CENPK: variants seen among roughly 807,000 people sequenced by gnomAD.
CENPK encodes SoxLZ/Sox6-binding protein Solt.
Under a neutral mutation model 40.9 loss-of-function variants are expected in CENPK, and 46 were observed. The ratio of observed to expected loss-of-function variants is 1.13; its 90% CI spans 0.89 to 1.44. CENPK has a LOEUF of 1.44. Ranked by LOEUF, CENPK falls within the 40% of genes most tolerant of loss-of-function variation. The probability of loss-of-function intolerance (pLI) is 0.00; values close to 1 mark genes in which losing one functional copy is unlikely to be tolerated. For synonymous variants in CENPK, 107 were observed against 104.4 expected (o/e 1.02, Z -0.15); for missense variants, 288 against 303.5 (o/e 0.95, Z 0.38).
chr5:65,554,142 AT>A (rs34320009), intron 3 of CENPK, among the ~76,000 whole-genome samples: 265 of 143,624 alleles, frequency 1.8e-3, no homozygotes, highest in Middle Eastern at 3.5e-3. Flanking sequence ...ACCAGTAATT[AT>A]TTTTTTTTTT....
At chr5:65,545,141 G>A (rs1003182024) in intron 5 of CENPK, among the ~76,000 whole-genome samples, 2 of 151,932 alleles carry the variant, frequency 1.3e-5, no homozygotes, top group South Asian at 2.1e-4. Flanking sequence ...AAGGTGGGGG[G>A]AGTTGCTGAA....
rs374598477 is a variant in CENPK, at chr5:65,547,910, C to T, written c.241+3654G>A. On this transcript the variant is annotated intron_variant, in intron 5 of 10. Transcript: ENST00000396679. Reference sequence around the variant, plus strand: ...CGATCTCCTGACCTCATGATCCACCCGCCTCGGTCTCCCAAAGTGCTGGGA... The same window carrying T: ...CGATCTCCTGACCTCATGATCCACCTGCCTCGGTCTCCCAAAGTGCTGGGA... 2.4e-3 allele frequency among the ~76,000 whole-genome samples: 369 copies of T among 152,204 alleles called. 2 individuals are homozygous for T. Among genetic ancestry groups the T allele is most frequent in the African/African-American group, 8.4e-3 (349 of 41,544 alleles).
chr5:65,545,072 C>T (rs1467120115), intron 5 of CENPK, among the ~76,000 whole-genome samples: 1 of 151,930 alleles, frequency 6.6e-6, no homozygotes, highest in East Asian at 1.9e-4. Flanking sequence ...ACCTGAGGGA[C>T]TTGGGTAACC....
chr5:65,497,424 G>T, the CENPK span, among the ~76,000 whole-genome samples: 1 of 152,070 alleles, frequency 6.6e-6, no homozygotes, highest in African/African-American at 2.4e-5. Context: ...GTCACCCTTA[G>T]TGATAAGAAA....
At chr5:65,549,532 T>A (rs1040240571) in intron 5 of CENPK, among the ~76,000 whole-genome samples, 1 of 152,208 alleles carries the variant, frequency 6.6e-6, no homozygotes, top group African/African-American at 2.4e-5. Flanking sequence ...TCTGTCTACA[T>A]TGAAAATTTG....
the CENPK span, among the ~76,000 whole-genome samples, chr5:65,498,725 A>C: frequency 6.8e-6 from 1 of 147,628 alleles, no homozygotes; most frequent in East Asian, 2.0e-4. Context: ...GGCATTGATC[A>C]TGGCTCACAA....
chr5:65,513,037 G>T (rs1008241232), downstream of CENPK, among the ~76,000 whole-genome samples: 1 of 151,954 alleles, frequency 6.6e-6, no homozygotes, highest in Non-Finnish European at 1.5e-5. Flanking sequence ...TCTTATTGTT[G>T]ACTTTTAAAG....
rs80005299 is a variant in CENPK at position 65,546,769 on chromosome 5, C to G, written c.242-3921G>C. ...CAGGAAGAAGATGGACATCTGCAAG[C>G]CAAGGGGAGAGGCCTCAGAAGAAAC... On this transcript the variant is annotated intron_variant, in intron 5 of 10. Coordinates refer to ENST00000396679, the MANE Select transcript of CENPK (RefSeq NM_022145.5). Among the ~76,000 whole-genome samples, 294 of 152,268 alleles carry G rather than the reference C, an allele frequency of 1.9e-3. 2 individuals carry two copies. Among genetic ancestry groups the G allele is most frequent in the Non-Finnish European group, 3.2e-3 (220 of 68,020 alleles).
intron 10 of CENPK, among the ~76,000 whole-genome samples, chr5:65,521,032 A>C (rs961593336): frequency 5.3e-5 from 8 of 152,172 alleles, no homozygotes; most frequent in African/African-American, 1.9e-4. Flanking sequence ...TTTTTTAAAA[A>C]TTGTACAATT....
At chr5:65,514,866 T>C (rs1376172647), downstream of CENPK, among the ~76,000 whole-genome samples, 1 of 152,228 alleles carries the variant, frequency 6.6e-6, no homozygotes, top group African/African-American at 2.4e-5. Flanking sequence ...CATTCCTTTA[T>C]TATCCTTCTA....
the CENPK span, among the ~76,000 whole-genome samples, chr5:65,508,446 G>A: frequency 6.6e-6 from 1 of 151,958 alleles, no homozygotes; most frequent in Non-Finnish European, 1.5e-5. Context: ...TAACATATCC[G>A]ATAAAAAATT....
chr5:65,508,555 C>T, the CENPK span, among the ~76,000 whole-genome samples: 5 of 152,178 alleles, frequency 3.3e-5, no homozygotes, highest in African/African-American at 9.6e-5. Context: ...GAGGCTGAGG[C>T]GGGTGGATCA....
chr5:65,525,691 C>T (rs1209802729), intron 9 of CENPK, among the ~76,000 whole-genome samples: 3 of 152,084 alleles, frequency 2.0e-5, no homozygotes, highest in Admixed American at 6.5e-5. Flanking sequence ...TCTTAAATAA[C>T]GTAATAAAGG....
rs190055544 is a variant in CENPK at position 65,531,748 on chromosome 5, C to A, written c.289-2549G>T. Among the ~76,000 whole-genome samples, 50 of 152,158 alleles carry A rather than the reference C, an allele frequency of 3.3e-4. No individual in the cohort carries two copies. In the East Asian group the frequency reaches 9.5e-3, roughly 29 times the overall value. ...CGATCTCCTGACCTCGTGATCTGCC[C>A]GCCTCAGCCTCCCAAAGTGCTGGGA... On this transcript the variant is annotated intron_variant, in intron 6 of 10. Coordinates refer to ENST00000396679, the MANE Select transcript of CENPK (RefSeq NM_022145.5).
intron 2 of CENPK, among the ~76,000 whole-genome samples, chr5:65,558,696 G>A (rs1006671808): frequency 1.3e-5 from 2 of 152,172 alleles, no homozygotes; most frequent in African/African-American, 4.8e-5. Flanking sequence ...TAAAACCAGA[G>A]CATGGTTGTA....
chr5:65,513,692 T>C (rs749059163), downstream of CENPK, among the ~76,000 whole-genome samples: 1 of 152,218 alleles, frequency 6.6e-6, no homozygotes, highest in African/African-American at 2.4e-5. Flanking sequence ...TTTCAAATTA[T>C]TTTTTGTTGA....
chr5:65,528,044 A>G (rs1447921626), intron 9 of CENPK, among the ~76,000 whole-genome samples: 3 of 152,188 alleles, frequency 2.0e-5, no homozygotes, highest in Non-Finnish European at 4.4e-5. Context: ...GTTCAAGACC[A>G]GCCTGGGCAA....
chr5:65,516,034 T>C (rs1360259206), downstream of CENPK, among the ~76,000 whole-genome samples: 1 of 152,222 alleles, frequency 6.6e-6, no homozygotes, highest in African/African-American at 2.4e-5. Context: ...GTGTCCCTTC[T>C]TATAAGGGCA....
chr5:65,500,441 G>A, the CENPK span, among the ~76,000 whole-genome samples: 1 of 145,160 alleles, frequency 6.9e-6, no homozygotes, highest in African/African-American at 2.6e-5. Context: ...ATTTCTTCAT[G>A]TGTTTTTTGG....
Sources: allele counts gnomAD v4.1 joint callset (sites outside exome capture counted in the v4.1 genomes callset), GRCh38; gene constraint gnomAD v4.1.1; transcripts MANE v1.5; gene names NCBI Gene and HGNC (gene_info 2026-07-23, HGNC 2026-07-21).